The following TUSC3 variants were observed in gnomAD, a reference collection of about 807,000 sequenced individuals.
TUSC3 encodes the protein tumor suppressor candidate 3, also known as dolichyl-diphosphooligosaccharide--protein glycosyltransferase subunit TUSC3.
TUSC3 carries 45 observed loss-of-function variants against 44.8 expected under a neutral mutation model. The observed-to-expected ratio is 1.00, with a 90% CI of 0.79 to 1.29. TUSC3 has a LOEUF of 1.29. TUSC3 is among the 50% of genes most tolerant of loss of function. The pLI is 0.00. For missense variants in TUSC3, 519 were observed against 437.9 expected (o/e 1.19, Z -1.65); for synonymous variants, 212 against 152.9 (o/e 1.39, Z -2.85).
the TUSC3 span, among the ~76,000 whole-genome samples, chr8:15,836,094 G>C: frequency 6.6e-6 from 1 of 151,626 alleles, no homozygotes; most frequent in African/African-American, 2.4e-5. Flanking sequence ...CTTTCTGTTT[G>C]CATTTGCTTC....
At chr8:15,708,776 A>G (rs1376181903) in intron 6 of TUSC3, among the ~76,000 whole-genome samples, 1 of 151,924 alleles carries the variant, frequency 6.6e-6, no homozygotes, top group Non-Finnish European at 1.5e-5. Flanking sequence ...AGATCTTTAC[A>G]AGATACGTGG....
At chr8:15,478,560 G>C (rs1800614489) in intron 1 of TUSC3, among the ~76,000 whole-genome samples, 1 of 152,092 alleles carries the variant, frequency 6.6e-6, no homozygotes, top group Non-Finnish European at 1.5e-5. Context: ...AGTTTGCTGA[G>C]GACAATGGCT....
chr8:15,465,385 A>G (rs1800401329), intron 1 of TUSC3, among the ~76,000 whole-genome samples: 1 of 152,180 alleles, frequency 6.6e-6, no homozygotes, highest in Non-Finnish European at 1.5e-5. Flanking sequence ...ATTTTGAACC[A>G]CCAGCAGATT....
At chr8:15,728,710 T>C (rs1220480843) in intron 6 of TUSC3, among the ~76,000 whole-genome samples, 1 of 152,054 alleles carries the variant, frequency 6.6e-6, no homozygotes, top group Non-Finnish European at 1.5e-5. Flanking sequence ...AGAATCAATA[T>C]AGACATAATT....
rs942999948 is a variant in TUSC3, at chr8:15,456,712, A to T, written n.92-26674A>T. ...TTCATATGGATAAAGACAAAATCAGATTCCTATCCCACCACATTAAAAATA... is the reference window on the plus strand; with the variant it reads ...TTCATATGGATAAAGACAAAATCAGTTTCCTATCCCACCACATTAAAAATA... On this transcript the variant is annotated intron_variant and non_coding_transcript_variant, in intron 1 of 5. Coordinates refer to the TUSC3 transcript ENST00000503191. Among the ~76,000 whole-genome samples, 4 of 152,180 alleles carry T rather than the reference A, an allele frequency of 2.6e-5. No homozygotes were observed. In the East Asian group the frequency reaches 7.7e-4, roughly 29 times the overall value.
intron 1 of TUSC3, among the ~76,000 whole-genome samples, chr8:15,576,288 T>A (rs1237107283): frequency 2.3e-4 from 34 of 146,506 alleles, no homozygotes; most frequent in African/African-American, 8.2e-4. Context: ...TGTTTTTTTT[T>A]TTTATTTTTT....
intron 6 of TUSC3, among the ~76,000 whole-genome samples, chr8:15,685,296 G>A (rs1006105131): frequency 6.6e-6 from 1 of 151,828 alleles, no homozygotes; most frequent in African/African-American, 2.4e-5. Context: ...GTTCAGTACA[G>A]GAGGCCGGTC....
intron 1 of TUSC3, among the ~76,000 whole-genome samples, chr8:15,603,755 T>C (rs1437425794): frequency 6.6e-6 from 1 of 150,712 alleles, no homozygotes; most frequent in Non-Finnish European, 1.5e-5. Flanking sequence ...GCGATTCCTA[T>C]GGTTTACCAA....
At chr8:15,420,482 A>T (rs1337344700) in intron 1 of TUSC3, among the ~76,000 whole-genome samples, 4 of 151,832 alleles carry the variant, frequency 2.6e-5, no homozygotes, top group Non-Finnish European at 5.9e-5. Flanking sequence ...TGGGTGACAG[A>T]GTGAGACTCT....
At chr8:15,569,657 G>A (rs909269363) in intron 1 of TUSC3, among the ~76,000 whole-genome samples, 1 of 152,120 alleles carries the variant, frequency 6.6e-6, no homozygotes, top group Non-Finnish European at 1.5e-5. Flanking sequence ...GACTTTCCCT[G>A]GGCTAACGGG....
At chr8:15,614,976 C>T (rs905295760) in intron 1 of TUSC3, among the ~76,000 whole-genome samples, 4 of 147,192 alleles carry the variant, frequency 2.7e-5, no homozygotes, top group African/African-American at 5.0e-5. Flanking sequence ...CGGAAAAGGA[C>T]GCGTAGTAAA....
At chr8:15,478,962 A>G (rs941925391) in intron 1 of TUSC3, among the ~76,000 whole-genome samples, 1 of 152,098 alleles carries the variant, frequency 6.6e-6, no homozygotes, top group Non-Finnish European at 1.5e-5. Context: ...TGACTTTTTA[A>G]TAACCATCAT....
chr8:15,847,802 G>C, the TUSC3 span, among the ~76,000 whole-genome samples: 1 of 152,090 alleles, frequency 6.6e-6, no homozygotes, highest in African/African-American at 2.4e-5. Context: ...TTGTACCCCT[G>C]TATCTAACAC....
intron 5 of TUSC3, 115 bp downstream of exon 5, chr8:15,662,411 GAAGT>G: frequency 2.8e-6 from 4 of 1,432,488 alleles, no homozygotes; most frequent in Non-Finnish European, 2.9e-6. Context: ...GTCTGAATGA[GAAGT>G]AACTTTTTAG....
chr8:15,483,665 T>TTTTTTTTTTTTTTTTG, intron 2 of TUSC3, among the ~76,000 whole-genome samples: 1 of 136,886 alleles, frequency 7.3e-6, no homozygotes, highest in Non-Finnish European at 1.6e-5. Context: ...TTTTTTTTTT[T>TTTTTTTTTTTTTTTTG]TTTTTTTTGA....
At chr8:15,493,993 T>G (rs1800845246) in intron 2 of TUSC3, among the ~76,000 whole-genome samples, 1 of 152,214 alleles carries the variant, frequency 6.6e-6, no homozygotes, top group South Asian at 2.1e-4. Context: ...AGCTGGTATT[T>G]ACACAACATG....
intron 2 of TUSC3, among the ~76,000 whole-genome samples, chr8:15,487,987 A>G (rs1169904514): frequency 6.7e-6 from 1 of 150,074 alleles, no homozygotes; most frequent in East Asian, 2.0e-4. Flanking sequence ...TCTGAACTCT[A>G]TTCCTTAATC....
At chr8:15,599,429 T>G (rs551533411) in intron 1 of TUSC3, among the ~76,000 whole-genome samples, 7 of 151,858 alleles carry the variant, frequency 4.6e-5, no homozygotes, top group South Asian at 4.1e-4. Flanking sequence ...GTTTTAAATT[T>G]TAGTGAATTT....
rs534336180 is a variant in TUSC3 at position 15,543,703 on chromosome 8, A to C, written c.138+3135A>C. On this transcript the variant is annotated intron_variant, in intron 1 of 10. Coordinates refer to ENST00000503731, the MANE Select transcript of TUSC3 (RefSeq NM_006765.4). Reference sequence around the variant, plus strand: ...TCATTTAAATGAAAGCATTAGTGTAATGAGATCCTGAAATGCGGTAAGATT... The same window carrying C: ...TCATTTAAATGAAAGCATTAGTGTACTGAGATCCTGAAATGCGGTAAGATT... 4.6e-5 allele frequency among the ~76,000 whole-genome samples: 7 copies of C among 151,738 alleles called. No homozygotes were observed. In the East Asian group the frequency reaches 1.4e-3, roughly 29 times the overall value.
Sources: allele counts gnomAD v4.1 joint callset (sites outside exome capture counted in the v4.1 genomes callset), GRCh38; gene constraint gnomAD v4.1.1; transcripts MANE v1.5; gene names NCBI Gene and HGNC (gene_info 2026-07-23, HGNC 2026-07-21).